The following SMCO4 variants were observed in gnomAD, a reference collection of about 807,000 sequenced individuals.
SMCO4 encodes the protein single-pass membrane and coiled-coil domain-containing protein 4.
A neutral mutation model predicts 3.6 loss-of-function variants in SMCO4; 4 were observed. That is an observed-to-expected ratio of 1.11 (90% confidence interval 0.54 to 2.53). The LOEUF (loss-of-function observed/expected upper bound fraction) is 2.53, where lower values mean the gene tolerates loss of function less well. SMCO4 is among the 30% of genes most tolerant of loss of function. The probability of loss-of-function intolerance (pLI) is 0.02; values close to 1 mark genes in which losing one functional copy is unlikely to be tolerated. For missense variants in SMCO4, 70 were observed against 80.8 expected, an observed-to-expected ratio of 0.87 and a Z score of 0.51; for synonymous variants, 36 against 35.3, an observed-to-expected ratio of 1.02 and a Z score of -0.07.
intron 1 of SMCO4, among the ~76,000 whole-genome samples, chr11:93,512,003 C>T (rs1289761163): frequency 6.6e-6 from 1 of 152,218 alleles, no homozygotes; most frequent in Admixed American, 6.5e-5. Context: ...GGTATAGCTG[C>T]CATTTACTTC....
chr11:93,501,220 G>T (rs1384745317), intron 1 of SMCO4, among the ~76,000 whole-genome samples: 1 of 152,170 alleles, frequency 6.6e-6, no homozygotes, highest in African/African-American at 2.4e-5. Context: ...ACAGAAATTG[G>T]GAGTAAGTGC....
intron 2 of SMCO4, among the ~76,000 whole-genome samples, chr11:93,479,523 T>G (rs1948566561): frequency 6.6e-6 from 1 of 152,140 alleles, no homozygotes; most frequent in African/African-American, 2.4e-5. Flanking sequence ...AGACAAATAA[T>G]ACTGTGTTCT....
chr11:93,497,659 G>C (rs1418270539), intron 2 of SMCO4, among the ~76,000 whole-genome samples: 1 of 151,628 alleles, frequency 6.6e-6, no homozygotes, highest in African/African-American at 2.4e-5. Context: ...AGATGGTTGG[G>C]GGGAACTGAA....
chr11:93,553,541 A>G, the SMCO4 span, among the ~76,000 whole-genome samples: 2 of 152,226 alleles, frequency 1.3e-5, no homozygotes, highest in African/African-American at 2.4e-5. Context: ...AGATATTTTC[A>G]TATCATGTTA....
chr11:93,485,346 C>T (rs992174362), intron 2 of SMCO4, among the ~76,000 whole-genome samples: 2 of 152,216 alleles, frequency 1.3e-5, no homozygotes, highest in East Asian at 3.9e-4. Flanking sequence ...CCACTATTAC[C>T]ATCACACCTG....
intron 1 of SMCO4, among the ~76,000 whole-genome samples, chr11:93,499,885 G>C (rs1293546921): frequency 1.3e-5 from 2 of 152,212 alleles, no homozygotes; most frequent in Non-Finnish European, 2.9e-5. Context: ...AAGGAAGAGA[G>C]ATGTGTGACA....
Position 93,478,766 on chromosome 11 carries a change from T to A in SMCO4, c.*244A>T. 3 of 1,032,838 alleles carry A rather than the reference T, an allele frequency of 2.9e-6. No individual in the cohort carries two copies. The highest frequency in any genetic ancestry group is 2.5e-6 in the Non-Finnish European group (2 of 784,486). The allele number at this position is 1,032,838 out of a possible 1,614,324, so 64.0% of individuals were successfully genotyped here. ...ACACACACACACATGCGCGCGCGCT[T>A]TGAAGTCTGAAAGGCACATGAAGTG... On this transcript the variant is annotated 3_prime_UTR_variant, in exon 3 of 3. Transcript: ENST00000298966.
chr11:93,489,718 C>A (rs950181696), intron 2 of SMCO4, among the ~76,000 whole-genome samples: 1 of 152,184 alleles, frequency 6.6e-6, no homozygotes, highest in African/African-American at 2.4e-5. Flanking sequence ...GAAATCTGAC[C>A]GTTGTTCAAA....
intron 1 of SMCO4, among the ~76,000 whole-genome samples, chr11:93,516,441 A>G (rs1458892880): frequency 6.6e-6 from 1 of 152,248 alleles, no homozygotes; most frequent in African/African-American, 2.4e-5. Flanking sequence ...AGAACCACCA[A>G]TATATAAAAG....
At chr11:93,494,376 G>A (rs566691652) in intron 2 of SMCO4, among the ~76,000 whole-genome samples, 7 of 152,280 alleles carry the variant, frequency 4.6e-5, no homozygotes, top group Non-Finnish European at 8.8e-5. Context: ...ACCAAAAAAT[G>A]TTAACCAAAT....
At chr11:93,545,963 A>T (rs1565394156), upstream of SMCO4, among the ~76,000 whole-genome samples, 1 of 152,254 alleles carries the variant, frequency 6.6e-6, no homozygotes, top group Admixed American at 6.5e-5. Context: ...TTGCTGTCCC[A>T]GCTATGCAGC....
chr11:93,506,355 AAAC>A (rs1445559356), intron 1 of SMCO4, among the ~76,000 whole-genome samples: 7 of 152,222 alleles, frequency 4.6e-5, no homozygotes, highest in Admixed American at 1.3e-4. Context: ...ATAGCAGGTA[AAAC>A]AACTGGTGGC....
At chr11:93,500,979 A>G (rs746857777) in intron 1 of SMCO4, among the ~76,000 whole-genome samples, 2 of 152,154 alleles carry the variant, frequency 1.3e-5, no homozygotes, top group African/African-American at 2.4e-5. Context: ...AGCGACAGGG[A>G]CACCAGCTGG....
At chr11:93,522,086 C>T (rs1325373590) in intron 1 of SMCO4, among the ~76,000 whole-genome samples, 2 of 120,720 alleles carry the variant, frequency 1.7e-5, no homozygotes, top group South Asian at 3.0e-4. Flanking sequence ...CTTTTTGGCA[C>T]AAACTTTAAA....
chr11:93,486,686 TG>T (rs921481699), intron 2 of SMCO4, among the ~76,000 whole-genome samples: 12 of 152,094 alleles, frequency 7.9e-5, no homozygotes, highest in Admixed American at 7.9e-4. Flanking sequence ...GAGCCAAGGA[TG>T]TCACAGGCTG....
intron 2 of SMCO4, among the ~76,000 whole-genome samples, chr11:93,489,033 A>G (rs554219426): frequency 1.3e-5 from 2 of 152,216 alleles, no homozygotes; most frequent in South Asian, 4.2e-4. Context: ...GGTCAGGGGC[A>G]AGATTGGAGT....
chr11:93,513,169 T>A (rs776301445), intron 1 of SMCO4, among the ~76,000 whole-genome samples: 7 of 152,236 alleles, frequency 4.6e-5, no homozygotes, highest in Non-Finnish European at 1.0e-4. Context: ...CTGGGCCAGC[T>A]TCTCAAATTC....
chr11:93,492,739 G>A (rs1025024041), intron 2 of SMCO4, among the ~76,000 whole-genome samples: 6 of 152,168 alleles, frequency 3.9e-5, no homozygotes, highest in Admixed American at 6.5e-5. Flanking sequence ...GGGCCAGGGC[G>A]ACCAGAGCAG....
chr11:93,548,091 G>T (rs1249013341), upstream of SMCO4, among the ~76,000 whole-genome samples: 1 of 152,192 alleles, frequency 6.6e-6, no homozygotes, highest in Admixed American at 6.5e-5. Context: ...CTTGGCCCCT[G>T]TTCATGCCTG....
Sources: allele counts gnomAD v4.1 joint callset (sites outside exome capture counted in the v4.1 genomes callset), GRCh38; gene constraint gnomAD v4.1.1; transcripts MANE v1.5; gene names NCBI Gene and HGNC (gene_info 2026-07-23, HGNC 2026-07-21).